CLDN16: variants seen among roughly 807,000 people sequenced by gnomAD.
CLDN16 encodes claudin 16, also known as claudin-16.
A neutral mutation model predicts 24.6 loss-of-function variants in CLDN16; 13 were observed. The observed-to-expected ratio is 0.53, with a 90% CI of 0.34 to 0.84. The LOEUF (loss-of-function observed/expected upper bound fraction) is 0.84, where lower values mean the gene tolerates loss of function less well. Ranked by LOEUF, CLDN16 falls within the 40% of genes least tolerant of loss-of-function variation. The pLI is 0.01. For synonymous variants in CLDN16, 116 were observed against 106.7 expected (o/e 1.09, Z -0.54); for missense variants, 298 against 292.7 (o/e 1.02, Z -0.13).
intron 3 of CLDN16, among the ~76,000 whole-genome samples, chr3:190,378,760 C>A (rs1360851079): frequency 1.3e-5 from 2 of 151,980 alleles, no homozygotes; most frequent in African/African-American, 4.8e-5. Flanking sequence ...TCTACATTGG[C>A]TTTTGTAATT....
Position 190,407,215 on chromosome 3 carries a change from C to T in CLDN16, c.383-1099C>T, listed in dbSNP as rs538489704. ...AAAGACAAATATTTCTCTCATTAGACAGTAAAACAACTCTGGAAAGTAATC... is the reference window on the plus strand; with the variant it reads ...AAAGACAAATATTTCTCTCATTAGATAGTAAAACAACTCTGGAAAGTAATC... On this transcript the variant is annotated intron_variant, in intron 3 of 4. Coordinates refer to ENST00000264734, the MANE Select transcript of CLDN16 (RefSeq NM_006580.4). Among the ~76,000 whole-genome samples the T allele has an allele frequency of 4.1e-4, 62 of 152,116 alleles. No homozygotes were observed. The South Asian group carries it at 5.2e-3, about 13-fold the overall frequency.
At chr3:190,364,114 A>G (rs1717967950) in intron 1 of CLDN16, among the ~76,000 whole-genome samples, 1 of 151,948 alleles carries the variant, frequency 6.6e-6, no homozygotes, top group Admixed American at 6.6e-5. Flanking sequence ...ACATTTGTGA[A>G]CAAAGCTTAT....
chr3:190,365,395 A>T lies in CLDN16; in HGVS notation n.122-5498A>T, dbSNP rs186322753. Among the ~76,000 whole-genome samples, 5 of 151,616 alleles carry T rather than the reference A, an allele frequency of 3.3e-5. No individual in the cohort carries two copies. The East Asian group carries it at 7.8e-4, about 24-fold the overall frequency. ...TATTGGCCAGTGAAGTGTCTTTTGG[A>T]TTCTTCCATAGAATATAGTTGGATG... On this transcript the variant is annotated intron_variant and non_coding_transcript_variant, in intron 1 of 4. Transcript: ENST00000468220.
chr3:190,372,258 G>T (rs544405393), intron 2 of CLDN16, among the ~76,000 whole-genome samples: 1 of 152,002 alleles, frequency 6.6e-6, no homozygotes, highest in South Asian at 2.1e-4. Context: ...ACACTTTCAG[G>T]ATAGACACCC....
intron 1 of CLDN16, among the ~76,000 whole-genome samples, chr3:190,326,488 C>A (rs918074217): frequency 6.6e-6 from 1 of 152,134 alleles, no homozygotes; most frequent in East Asian, 1.9e-4. Flanking sequence ...CCAAGCCTTG[C>A]GATGTTTTCC....
intron 3 of CLDN16, among the ~76,000 whole-genome samples, chr3:190,383,011 A>G (rs1485649816): frequency 6.6e-6 from 1 of 152,092 alleles, no homozygotes; most frequent in African/African-American, 2.4e-5. Context: ...TAGGATTTTA[A>G]ATTAGAATCA....
At chr3:190,311,130 G>A in the CLDN16 span, among the ~76,000 whole-genome samples, 1 of 152,076 alleles carries the variant, frequency 6.6e-6, no homozygotes, top group Non-Finnish European at 1.5e-5. Flanking sequence ...TTCTCAAATA[G>A]ACCATGCGAA....
chr3:190,359,502 T>C (rs1269184618), intron 1 of CLDN16, among the ~76,000 whole-genome samples: 1 of 152,064 alleles, frequency 6.6e-6, no homozygotes, highest in African/African-American at 2.4e-5. Flanking sequence ...GCTTCATTTT[T>C]TGATGTTTCT....
At chr3:190,345,827 C>A (rs901868766) in intron 1 of CLDN16, among the ~76,000 whole-genome samples, 1 of 152,186 alleles carries the variant, frequency 6.6e-6, no homozygotes, top group Admixed American at 6.5e-5. Flanking sequence ...GTCTATCCAT[C>A]TGTCCCCTCC....
chr3:190,315,248 C>T, the CLDN16 span, among the ~76,000 whole-genome samples: 1 of 152,156 alleles, frequency 6.6e-6, no homozygotes, highest in African/African-American at 2.4e-5. Context: ...TGATCCATGT[C>T]TGGAGGATAG....
At chr3:190,322,324 G>A (rs1716950480), upstream of CLDN16, 1 of 929,428 alleles carries the variant, frequency 1.1e-6, no homozygotes, top group East Asian at 2.6e-5. Context: ...GTTAAGGCGG[G>A]GAGCCCTGCT....
the CLDN16 span, among the ~76,000 whole-genome samples, chr3:190,294,146 C>T: frequency 6.6e-6 from 1 of 152,108 alleles, no homozygotes; most frequent in Non-Finnish European, 1.5e-5. Context: ...TCAGCTAGGG[C>T]AGAGTTTTGT....
chr3:190,350,603 G>A (rs1717652079), intron 1 of CLDN16, among the ~76,000 whole-genome samples: 1 of 152,102 alleles, frequency 6.6e-6, no homozygotes, highest in African/African-American at 2.4e-5. Context: ...ATGAATTTCA[G>A]CTCCACCATT....
chr3:190,378,375 T>G (rs1045683688), intron 3 of CLDN16, among the ~76,000 whole-genome samples: 1 of 152,014 alleles, frequency 6.6e-6, no homozygotes, highest in Non-Finnish European at 1.5e-5. Flanking sequence ...TTTTCACACA[T>G]GTAGAGAACA....
At chr3:190,292,177 A>G in the CLDN16 span, among the ~76,000 whole-genome samples, 2 of 152,220 alleles carry the variant, frequency 1.3e-5, no homozygotes, top group African/African-American at 2.4e-5. Flanking sequence ...CTGCTCCTGC[A>G]GCAGACTTAT....
At chr3:190,335,471 T>C (rs1360082103) in intron 1 of CLDN16, among the ~76,000 whole-genome samples, 1 of 152,022 alleles carries the variant, frequency 6.6e-6, no homozygotes, top group Non-Finnish European at 1.5e-5. Flanking sequence ...TCCCAGCACT[T>C]TGAGAGGCCG....
chr3:190,365,037 C>T (rs774994645), intron 1 of CLDN16, among the ~76,000 whole-genome samples: 1 of 151,762 alleles, frequency 6.6e-6, no homozygotes, highest in Non-Finnish European at 1.5e-5. Context: ...CTCTCAGCCC[C>T]CTGTTTATCC....
intron 1 of CLDN16, among the ~76,000 whole-genome samples, chr3:190,346,573 T>C (rs556716037): frequency 1.3e-5 from 2 of 152,206 alleles, no homozygotes; most frequent in Non-Finnish European, 2.9e-5. Flanking sequence ...TACTAGTTTC[T>C]TAGGGATGTG....
the CLDN16 span, among the ~76,000 whole-genome samples, chr3:190,298,376 C>T: frequency 6.7e-6 from 1 of 150,136 alleles, no homozygotes; most frequent in Non-Finnish European, 1.5e-5. Context: ...CACACACACA[C>T]CTTAACAATG....
Sources: gnomAD v4.1 joint callset for allele counts (sites outside exome capture counted in the v4.1 genomes callset) on GRCh38, gnomAD v4.1.1 for gene constraint, MANE v1.5 for transcripts, NCBI Gene and HGNC (gene_info 2026-07-23, HGNC 2026-07-21) for gene names.